NUBPL: variants seen among roughly 807,000 people sequenced by gnomAD.
The protein encoded by NUBPL is NUBP iron-sulfur cluster assembly factor, mitochondrial.
In NUBPL, 31 loss-of-function variants were observed where a neutral mutation model predicts 45.7. The ratio of observed to expected loss-of-function variants is 0.68; its 90% CI spans 0.51 to 0.92. NUBPL has a LOEUF of 0.92. NUBPL is among the 40% of genes least tolerant of loss of function. NUBPL has a pLI of 0.00. For synonymous variants in NUBPL, 144 were observed against 140.9 expected (o/e 1.02, Z -0.15); for missense variants, 401 against 398.7 (o/e 1.01, Z -0.05).
chr14:31,816,449 TATC>T, intron 7 of NUBPL, among the ~76,000 whole-genome samples: 1 of 65,178 alleles, frequency 1.5e-5, no homozygotes, highest in Non-Finnish European at 4.2e-5. Flanking sequence ...GGTTAGAGTC[TATC>T]TATTTTGTTA....
intron 10 of NUBPL, 104 bp downstream of exon 10, chr14:31,850,305 T>C (rs2040518565): frequency 2.4e-6 from 2 of 842,798 alleles, no homozygotes; most frequent in African/African-American, 1.7e-5. Flanking sequence ...AGTGCATATA[T>C]ATTTAAACAA....
chr14:31,727,036 G>C (rs8020397), intron 6 of NUBPL, among the ~76,000 whole-genome samples: 69,035 of 151,972 alleles, frequency 0.45, 16,787 homozygotes, highest in African/African-American at 0.64. Flanking sequence ...GGGCAAATCA[G>C]CTCTTGTTGA....
intron 6 of NUBPL, among the ~76,000 whole-genome samples, chr14:31,775,177 G>A (rs1420538981): frequency 1.3e-5 from 2 of 152,196 alleles, no homozygotes; most frequent in Admixed American, 1.3e-4. Context: ...CAACACTTTG[G>A]GAGGCCGAGG....
intron 6 of NUBPL, among the ~76,000 whole-genome samples, chr14:31,756,720 A>G (rs911832070): frequency 1.3e-5 from 2 of 151,380 alleles, no homozygotes; most frequent in African/African-American, 2.4e-5. Context: ...TGCCCTGGCC[A>G]GAACTTCCAA....
chr14:31,611,713 A>G (rs1283771304), intron 4 of NUBPL, among the ~76,000 whole-genome samples: 2 of 152,182 alleles, frequency 1.3e-5, no homozygotes, highest in Non-Finnish European at 2.9e-5. Context: ...GTACTGGCAT[A>G]AAAACAGACA....
At chr14:31,681,895 G>A (rs1325007806) in intron 6 of NUBPL, among the ~76,000 whole-genome samples, 2 of 152,084 alleles carry the variant, frequency 1.3e-5, no homozygotes, top group Non-Finnish European at 2.9e-5. Context: ...AATACACTCT[G>A]TAATATTTCA....
intron 4 of NUBPL, among the ~76,000 whole-genome samples, chr14:31,670,544 G>A (rs2036547045): frequency 6.6e-6 from 1 of 152,030 alleles, no homozygotes; most frequent in Non-Finnish European, 1.5e-5. Context: ...TGAAATCTTT[G>A]CCCATTCCTA....
chr14:31,693,821 AAAC>A (rs1261978953), intron 6 of NUBPL, among the ~76,000 whole-genome samples: 3 of 149,208 alleles, frequency 2.0e-5, no homozygotes, highest in Non-Finnish European at 4.5e-5. Context: ...AAAAAAAAAA[AAAC>A]CTTTAAACAT....
At chr14:31,604,122 G>A (rs2034518934) in intron 4 of NUBPL, among the ~76,000 whole-genome samples, 1 of 150,552 alleles carries the variant, frequency 6.6e-6, no homozygotes, top group Non-Finnish European at 1.5e-5. Flanking sequence ...TTGCAAATTG[G>A]CTGCCAGTAA....
intron 4 of NUBPL, among the ~76,000 whole-genome samples, chr14:31,638,409 T>C (rs1013701911): frequency 6.6e-5 from 10 of 151,862 alleles, no homozygotes; most frequent in African/African-American, 2.4e-4. Context: ...GAATGTTGAA[T>C]ATTGGCCCCC....
intron 4 of NUBPL, among the ~76,000 whole-genome samples, chr14:31,662,472 C>T (rs907780031): frequency 2.7e-5 from 4 of 150,612 alleles, no homozygotes; most frequent in Non-Finnish European, 5.9e-5. Flanking sequence ...CTTCCCTCTG[C>T]CCCCCACCCA....
At chr14:31,584,601 C>G (rs896921839) in intron 3 of NUBPL, among the ~76,000 whole-genome samples, 1 of 152,220 alleles carries the variant, frequency 6.6e-6, no homozygotes, top group African/African-American at 2.4e-5. Flanking sequence ...TGAACTGTCA[C>G]TCCTTAATTC....
intron 4 of NUBPL, among the ~76,000 whole-genome samples, chr14:31,666,314 G>C (rs2036425855): frequency 6.9e-6 from 1 of 144,818 alleles, no homozygotes; most frequent in African/African-American, 2.5e-5. Context: ...TCCCAGGCTG[G>C]AGTGCAGTGG....
At chr14:31,691,939 G>A (rs2037103253) in intron 6 of NUBPL, among the ~76,000 whole-genome samples, 2 of 152,136 alleles carry the variant, frequency 1.3e-5, no homozygotes, top group Non-Finnish European at 2.9e-5. Flanking sequence ...AACCTCATCT[G>A]CTAGAAGGAA....
At chr14:31,704,098 C>T (rs1212957267) in intron 6 of NUBPL, among the ~76,000 whole-genome samples, 4 of 152,186 alleles carry the variant, frequency 2.6e-5, no homozygotes, top group Non-Finnish European at 5.9e-5. Flanking sequence ...GATCAGTCTT[C>T]TGTAACTGCT....
intron 4 of NUBPL, among the ~76,000 whole-genome samples, chr14:31,659,027 G>C (rs989596049): frequency 1.3e-5 from 2 of 152,198 alleles, no homozygotes; most frequent in Non-Finnish European, 1.5e-5. Context: ...GTTATGGAGA[G>C]CTGTTTTGGA....
chr14:31,829,201 TG>T (rs2040151684), intron 8 of NUBPL, among the ~76,000 whole-genome samples: 1 of 152,124 alleles, frequency 6.6e-6, no homozygotes, highest in African/African-American at 2.4e-5. Flanking sequence ...TCTTCCAAGT[TG>T]AAATTTATAG....
chr14:31,645,395 A>T (rs577521013), intron 4 of NUBPL, among the ~76,000 whole-genome samples: 7 of 152,130 alleles, frequency 4.6e-5, no homozygotes, highest in Non-Finnish European at 5.9e-5. Context: ...GGCAGCATAT[A>T]GTTGGGTCTT....
chr14:31,593,157 G>A (rs960043608), intron 3 of NUBPL, among the ~76,000 whole-genome samples: 1 of 152,148 alleles, frequency 6.6e-6, no homozygotes, highest in Non-Finnish European at 1.5e-5. Context: ...ATCTAGAGAT[G>A]ATTTAAAGTA....
Sources: gnomAD v4.1 joint callset for allele counts (sites outside exome capture counted in the v4.1 genomes callset) on GRCh38, gnomAD v4.1.1 for gene constraint, MANE v1.5 for transcripts, NCBI Gene and HGNC (gene_info 2026-07-23, HGNC 2026-07-21) for gene names.